The following LIMD1 variants were observed in gnomAD, a reference collection of about 807,000 sequenced individuals.
LIMD1 encodes LIM domain containing 1, also known as LIM domain-containing protein 1.
LIMD1 carries 23 observed loss-of-function variants against 58.4 expected under a neutral mutation model. The ratio of observed to expected loss-of-function variants is 0.39; its 90% CI spans 0.28 to 0.56. The LOEUF (loss-of-function observed/expected upper bound fraction) is 0.56, where lower values mean the gene tolerates loss of function less well. Among genes scored for constraint, LIMD1 ranks in the 20% least tolerant of loss-of-function variants. LIMD1 has a pLI of 0.57. For synonymous variants in LIMD1, 334 were observed against 345.5 expected, an observed-to-expected ratio of 0.97 and a Z score of 0.37; for missense variants, 838 against 855.5, an observed-to-expected ratio of 0.98 and a Z score of 0.25.
chr3:45,616,883 C>T (rs564812588), intron 1 of LIMD1, among the ~76,000 whole-genome samples: 14 of 149,804 alleles, frequency 9.3e-5, no homozygotes, highest in African/African-American at 2.5e-4. Context: ...TACAGGTGTG[C>T]GCCACCATGC....
chr3:45,670,063 TCC>T (rs1697570094), intron 4 of LIMD1, among the ~76,000 whole-genome samples: 1 of 152,134 alleles, frequency 6.6e-6, no homozygotes, highest in African/African-American at 2.4e-5. Flanking sequence ...AGCCAAGACC[TCC>T]CTGGGAAACG....
At chr3:45,625,153 C>A (rs1364848529) in intron 1 of LIMD1, among the ~76,000 whole-genome samples, 1 of 152,052 alleles carries the variant, frequency 6.6e-6, no homozygotes, top group Non-Finnish European at 1.5e-5. Context: ...TCTGTCCCAC[C>A]CTAAATCATA....
At chr3:45,639,050 G>A (rs1189432929) in intron 2 of LIMD1, among the ~76,000 whole-genome samples, 3 of 152,120 alleles carry the variant, frequency 2.0e-5, no homozygotes, top group African/African-American at 2.4e-5. Flanking sequence ...TAAAATTTTT[G>A]TAGAGACAGA....
At chr3:45,603,687 G>C (rs921663338) in intron 1 of LIMD1, among the ~76,000 whole-genome samples, 1 of 152,106 alleles carries the variant, frequency 6.6e-6, no homozygotes, top group African/African-American at 2.4e-5. Flanking sequence ...TTAAAAAATT[G>C]AGGCAGAGTC....
intron 1 of LIMD1, among the ~76,000 whole-genome samples, chr3:45,606,178 A>G (rs1167231184): frequency 1.3e-5 from 2 of 152,176 alleles, no homozygotes; most frequent in Non-Finnish European, 1.5e-5. Flanking sequence ...TATTAACCCC[A>G]TTTCACAGAT....
At chr3:45,658,083 G>A (rs1376440722) in intron 2 of LIMD1, among the ~76,000 whole-genome samples, 1 of 152,162 alleles carries the variant, frequency 6.6e-6, no homozygotes, top group Non-Finnish European at 1.5e-5. Context: ...AAATATATGT[G>A]AAAGCCCTAA....
intron 1 of LIMD1, among the ~76,000 whole-genome samples, chr3:45,601,865 CCA>C (rs1701416430): frequency 6.6e-6 from 1 of 152,066 alleles, no homozygotes; most frequent in African/African-American, 2.4e-5. Flanking sequence ...GATTCATTCT[CCA>C]CCCACGTACT....
At chr3:45,668,178 C>A in intron 3 of LIMD1, 116 bp from the exon 4 acceptor site, 1 of 759,678 alleles carries the variant, frequency 1.3e-6, no homozygotes. Flanking sequence ...TGACAGAATT[C>A]TGCACAGAGT....
chr3:45,630,640 A>C (rs1274077627), intron 1 of LIMD1, among the ~76,000 whole-genome samples: 1 of 150,182 alleles, frequency 6.7e-6, no homozygotes, highest in African/African-American at 2.5e-5. Flanking sequence ...GACTGGGGGC[A>C]GGGCTGGTCT....
At chr3:45,615,788 C>T (rs897066685) in intron 1 of LIMD1, among the ~76,000 whole-genome samples, 11 of 151,876 alleles carry the variant, frequency 7.2e-5, no homozygotes, top group South Asian at 2.1e-4. Flanking sequence ...TCCCTCACTC[C>T]CCACCCACCC....
rs951815946 is a variant in LIMD1, at chr3:45,680,406, G to C, written c.*3347G>C. 1 of 152,072 alleles carries C rather than the reference G, an allele frequency of 6.6e-6. No homozygotes were observed. Among genetic ancestry groups the C allele is most frequent in the Non-Finnish European group, 1.5e-5 (1 of 68,186 alleles). 9.4% of individuals were successfully genotyped at this position (152,072 alleles called of 1,614,324 possible). On this transcript the variant is annotated 3_prime_UTR_variant, in exon 8 of 8. Coordinates refer to ENST00000273317, the MANE Select transcript of LIMD1 (RefSeq NM_014240.3). ...CAGCTCACTGCAGCCTCCACCTACT[G>C]GGCTCAAGTGATCCTCCCACCTCAG...
chr3:45,597,769 G>A (rs1365662175), intron 1 of LIMD1, among the ~76,000 whole-genome samples: 2 of 152,126 alleles, frequency 1.3e-5, no homozygotes, highest in African/African-American at 2.4e-5. Context: ...GTCAGTCTAC[G>A]CTTATTCTCC....
At chr3:45,632,749 A>T (rs1701748110) in intron 1 of LIMD1, among the ~76,000 whole-genome samples, 1 of 152,246 alleles carries the variant, frequency 6.6e-6, no homozygotes, top group Non-Finnish European at 1.5e-5. Context: ...TGCTGTGCCC[A>T]GTGGCAGATG....
rs199994716 is a variant in LIMD1, at chr3:45,636,237, C to T, written c.1496C>T (p.Thr499Ile). 1.2e-6 allele frequency: 2 copies of T among 1,610,304 alleles called. No homozygotes were observed. The highest frequency in any genetic ancestry group is 1.7e-6 in the Non-Finnish European group (2 of 1,178,134). The stretch of plus-strand genomic sequence containing the variant: ...AACCTCTACCATGACACATGCTTCA[C>T]CTGTGCAGCTTGCAGTAAGTGTGGG... ...MGNLYHDTCF[T>I]CAACSRKLRG... Residue 499 changes from threonine (T) to isoleucine (I), a missense_variant, in exon 2 of 8, where the codon ACC becomes ATC. By Grantham distance (89) the Thr-to-Ile change is moderately conservative (BLOSUM62 -1). Around this residue, in one of 3 missense-constraint regions of LIMD1, gnomAD observed 659 missense variants for 639.8 expected, o/e 1.03. Transcript: ENST00000273317.
rs866274085 is a variant in LIMD1 at position 45,679,390 on chromosome 3, C to T, written c.*2331C>T. On this transcript the variant is annotated 3_prime_UTR_variant, in exon 8 of 8. Transcript: ENST00000273317. ...GTTGTTTTTCTCTTCGCTTCAGGCC[C>T]TTACACAAAAGCCATGAAGAGATGT... 2 of 152,150 alleles carry T rather than the reference C, an allele frequency of 1.3e-5. No individual in the cohort carries two copies. Among genetic ancestry groups the T allele is most frequent in the African/African-American group, 2.4e-5 (1 of 41,412 alleles). The allele number at this position is 152,150 out of a possible 1,614,324, so 9.4% of individuals were successfully genotyped here.
chr3:45,673,652 C>A, intron 6 of LIMD1, 147 bp downstream of exon 6: 1 of 671,924 alleles, frequency 1.5e-6, no homozygotes, highest in Non-Finnish European at 2.5e-6. Flanking sequence ...GTGGCTCACG[C>A]CTGTAATCCC....
intron 2 of LIMD1, among the ~76,000 whole-genome samples, chr3:45,638,128 T>C (rs1219074405): frequency 2.6e-5 from 4 of 152,040 alleles, no homozygotes; most frequent in Non-Finnish European, 5.9e-5. Flanking sequence ...ATTTAGCAAA[T>C]TGATTTCAAC....
At chr3:45,674,873 C>T (rs560777967) in intron 7 of LIMD1, among the ~76,000 whole-genome samples, 51 of 152,234 alleles carry the variant, frequency 3.4e-4, no homozygotes, top group Admixed American at 5.2e-4. Context: ...GGTGTGAAGG[C>T]GGGTGGGGTC....
intron 7 of LIMD1, chr3:45,674,662 T>A: frequency 4.7e-6 from 2 of 425,246 alleles, no homozygotes; most frequent in East Asian, 3.7e-5. Flanking sequence ...CTGCTCTCCC[T>A]GAAGCTGCAG....
Sources: allele counts gnomAD v4.1 joint callset (sites outside exome capture counted in the v4.1 genomes callset), GRCh38; gene constraint gnomAD v4.1.1; regional missense constraint gnomAD v4.1.1; transcripts MANE v1.5; gene names NCBI Gene and HGNC (gene_info 2026-07-23, HGNC 2026-07-21).